Variants in LPP observed in about 807,000 individuals in gnomAD.
The protein encoded by LPP is LIM domain containing preferred translocation partner in lipoma, also known as lipoma-preferred partner.
A neutral mutation model predicts 60.4 loss-of-function variants in LPP; 38 were observed. The ratio of observed to expected loss-of-function variants is 0.63; its 90% CI spans 0.49 to 0.83. LPP has a LOEUF of 0.83. Among genes scored for constraint, LPP ranks in the 40% least tolerant of loss-of-function variants. LPP has a pLI of 0.00. For synonymous variants in LPP, 328 were observed against 290.8 expected (o/e 1.13, Z -1.30); for missense variants, 902 against 783.6 (o/e 1.15, Z -1.80).
In LPP at chr3:188,252,170, C is replaced by CATATAT. The variant is rs10609191; in HGVS notation, c.-67+26674_-67+26679dup. On this transcript the variant is annotated intron_variant, in intron 2 of 11. Transcript: ENST00000617246. ...CCTGTAATGCCCCTTCTTCCCCAAACATATATATATATATATATATATATA... is the reference window on the plus strand; with the variant it reads ...CCTGTAATGCCCCTTCTTCCCCAAACATATATATATATATATATATATATATATATA... Among the ~76,000 whole-genome samples, 829 of 101,750 alleles carry CATATAT rather than the reference C, an allele frequency of 8.1e-3. 5 individuals are homozygous for CATATAT. Among genetic ancestry groups the CATATAT allele is most frequent in the East Asian group, 0.037 (89 of 2,376 alleles). 66.8% of individuals were successfully genotyped at this position (101,750 alleles called of 152,430 possible).
chr3:188,753,624 T>C (rs1560157638), intron 8 of LPP, among the ~76,000 whole-genome samples: 1 of 151,356 alleles, frequency 6.6e-6, no homozygotes, highest in Admixed American at 6.6e-5. Flanking sequence ...TGTTTTGTTT[T>C]TTGTTTTTTT....
chr3:188,380,284 G>A (rs1482041161), intron 3 of LPP, among the ~76,000 whole-genome samples: 2 of 152,246 alleles, frequency 1.3e-5, no homozygotes, highest in Admixed American at 6.5e-5. Flanking sequence ...ATAGATTATA[G>A]TTATAAATGT....
At chr3:188,252,829 TGG>T (rs1300925803) in intron 2 of LPP, among the ~76,000 whole-genome samples, 1 of 152,238 alleles carries the variant, frequency 6.6e-6, no homozygotes, top group African/African-American at 2.4e-5. Flanking sequence ...TGGAGTGCAG[TGG>T]CACGATCTCA....
At chr3:188,566,561 C>A (rs763114845) in intron 6 of LPP, among the ~76,000 whole-genome samples, 7 of 151,874 alleles carry the variant, frequency 4.6e-5, no homozygotes, top group Non-Finnish European at 8.8e-5. Flanking sequence ...CTTTGATCCT[C>A]CTCCCAACTC....
chr3:188,200,937 A>G (rs1170932399), intron 1 of LPP, among the ~76,000 whole-genome samples: 6 of 152,204 alleles, frequency 3.9e-5, no homozygotes, highest in African/African-American at 1.4e-4. Flanking sequence ...TTGTTTATTT[A>G]TGTAAAATAT....
chr3:188,169,040 C>T (rs1404763689), intron 1 of LPP, among the ~76,000 whole-genome samples: 1 of 152,194 alleles, frequency 6.6e-6, no homozygotes, highest in Non-Finnish European at 1.5e-5. Context: ...TTTTTATTTT[C>T]TTCTACTTAA....
At position 188,878,495 on chromosome 3, in the gene LPP, G is replaced by C. The variant is rs1769510112; in HGVS notation, c.*4016G>C. 4.6e-6 allele frequency: 1 copy of C among 215,808 alleles called. No homozygotes were observed. Among genetic ancestry groups the C allele is most frequent in the Admixed American group, 5.8e-5 (1 of 17,114 alleles). The allele number at this position is 215,808 out of a possible 1,614,324, so 13.4% of individuals were successfully genotyped here. A position where few individuals can be genotyped will look rare whatever the true frequency, so the allele number is the denominator to read the frequency against. ...TACATGTGTGTTATGAATGAAATAT[G>C]ACAGCATGTTCCATACCCCTGCTTT... On this transcript the variant is annotated 3_prime_UTR_variant, in exon 12 of 12. Coordinates refer to ENST00000617246, the MANE Select transcript of LPP (RefSeq NM_001375462.1).
intron 8 of LPP, among the ~76,000 whole-genome samples, chr3:188,728,431 CTA>C (rs1416155394): frequency 1.3e-5 from 2 of 152,106 alleles, no homozygotes; most frequent in Non-Finnish European, 1.5e-5. Flanking sequence ...GTAGAATGCA[CTA>C]TGTTATTTGA....
intron 9 of LPP, among the ~76,000 whole-genome samples, chr3:188,819,992 G>A (rs1442148183): frequency 6.6e-6 from 1 of 152,156 alleles, no homozygotes; most frequent in East Asian, 1.9e-4. Flanking sequence ...ACTTGAAGTA[G>A]CCTAGAAATT....
chr3:188,237,156 TCATC>T (rs1186596327), intron 2 of LPP, among the ~76,000 whole-genome samples: 1 of 152,180 alleles, frequency 6.6e-6, no homozygotes, highest in Admixed American at 6.5e-5. Flanking sequence ...TTTTCTCTGT[TCATC>T]CATAAGAAGC....
chr3:188,333,905 C>T (rs142230822), intron 2 of LPP, among the ~76,000 whole-genome samples: 214 of 152,266 alleles, frequency 1.4e-3, no homozygotes, highest in Non-Finnish European at 2.6e-3. Flanking sequence ...CTTCTAGCTA[C>T]TTGAAAATAT....
At chr3:188,322,335 T>G (rs569238007) in intron 2 of LPP, among the ~76,000 whole-genome samples, 157 of 152,302 alleles carry the variant, frequency 1.0e-3, no homozygotes, top group African/African-American at 3.5e-3. Context: ...CTTTCCCTGA[T>G]TCGTCCTTCT....
At chr3:188,484,520 C>T in intron 4 of LPP, 72 bp from the exon 5 acceptor site, 6 of 1,071,528 alleles carry the variant, frequency 5.6e-6, no homozygotes, top group Non-Finnish European at 8.3e-6. Flanking sequence ...AAGTAAAATG[C>T]CAGCAAATAT....
At chr3:188,156,937 A>C (rs1716671090) in intron 1 of LPP, among the ~76,000 whole-genome samples, 1 of 151,954 alleles carries the variant, frequency 6.6e-6, no homozygotes, top group Non-Finnish European at 1.5e-5. Context: ...TACCATTGGC[A>C]AATATGAAAA....
At chr3:188,216,590 A>G (rs1340354699) in intron 1 of LPP, among the ~76,000 whole-genome samples, 2 of 152,110 alleles carry the variant, frequency 1.3e-5, no homozygotes, top group African/African-American at 2.4e-5. Context: ...TCATAATGCA[A>G]TGTTTCATCT....
chr3:188,321,440 T>C (rs1028839616), intron 2 of LPP, among the ~76,000 whole-genome samples: 9 of 152,242 alleles, frequency 5.9e-5, no homozygotes, highest in African/African-American at 2.2e-4. Context: ...GGTGCTGGCT[T>C]AGAGCCTGGG....
chr3:188,608,249 C>A (rs1842911644), intron 6 of LPP, among the ~76,000 whole-genome samples: 1 of 152,134 alleles, frequency 6.6e-6, no homozygotes, highest in Admixed American at 6.5e-5. Flanking sequence ...TGTCACTATT[C>A]TTCATGACCA....
At chr3:188,666,519 G>A (rs1250531949) in intron 7 of LPP, among the ~76,000 whole-genome samples, 1 of 152,200 alleles carries the variant, frequency 6.6e-6, no homozygotes, top group Non-Finnish European at 1.5e-5. Context: ...CTCTGGCTGT[G>A]TAAACTTAGG....
chr3:188,352,893 A>G lies in LPP; in HGVS notation c.-10+11174A>G, dbSNP rs772200917. The stretch of plus-strand genomic sequence containing the variant: ...GCCCAGAGTAAATGGCCAAGGTGCC[A>G]CTAACATGTCCATCCACAGAAACTT... On this transcript the variant is annotated intron_variant, in intron 3 of 11. Transcript: ENST00000617246. This position sits in a 1 kb window ranked among gnomAD's most constrained non-coding sequence, Gnocchi z 4.4. Among the ~76,000 whole-genome samples the G allele has an allele frequency of 2.4e-4, 36 of 152,214 alleles. No individual in the cohort carries two copies. Among genetic ancestry groups the G allele is most frequent in the African/African-American group, 7.5e-4 (31 of 41,462 alleles).
Sources: allele counts gnomAD v4.1 joint callset (sites outside exome capture counted in the v4.1 genomes callset), GRCh38; gene constraint gnomAD v4.1.1; non-coding constraint Gnocchi (gnomAD v3.1); transcripts MANE v1.5; gene names NCBI Gene and HGNC (gene_info 2026-07-23, HGNC 2026-07-21).